The following TUB variants were observed in gnomAD, a reference collection of about 807,000 sequenced individuals.
The protein encoded by TUB is TUB bipartite transcription factor.
In TUB, 33 loss-of-function variants were observed where a neutral mutation model predicts 59.7. The observed-to-expected ratio is 0.55, with a 90% CI of 0.42 to 0.74. The LOEUF is 0.74. Ranked by LOEUF, TUB falls within the 30% of genes least tolerant of loss-of-function variation. TUB has a pLI of 0.00. For synonymous variants in TUB, 293 were observed against 256.4 expected, an observed-to-expected ratio of 1.14 and a Z score of -1.36; for missense variants, 659 against 672.0, an observed-to-expected ratio of 0.98 and a Z score of 0.21.
upstream of TUB, chr11:8,076,755 ATTAC>A (rs1325804345): frequency 6.6e-6 from 1 of 151,984 alleles, no homozygotes; most frequent in Non-Finnish European, 1.5e-5. Flanking sequence ...TTTTATTCCT[ATTAC>A]TTTGTTTTAT....
chr11:8,091,844 T>C (rs1350095287), intron 3 of TUB, among the ~76,000 whole-genome samples: 18 of 152,166 alleles, frequency 1.2e-4, no homozygotes, highest in Non-Finnish European at 2.6e-4. Flanking sequence ...AGGGTGGTAG[T>C]GGTACCCTGC....
chr11:8,044,984 G>A (rs1942809121), intron 2 of TUB, among the ~76,000 whole-genome samples: 1 of 152,148 alleles, frequency 6.6e-6, no homozygotes, highest in South Asian at 2.1e-4. Flanking sequence ...TACCTGCCAG[G>A]AACTCTCCAA....
rs778236632 is a variant in TUB, at chr11:8,100,523, C to G, written c.1137C>G (p.Phe379Leu). 6.2e-7 allele frequency: 1 copy of G among 1,614,112 alleles called. No homozygotes were observed. Among genetic ancestry groups the G allele is most frequent in the Admixed American group, 1.7e-5 (1 of 60,010 alleles). Residue 379 changes from phenylalanine (F) to leucine (L), a missense_variant, in exon 10 of 12, where the codon TTC becomes TTG. Phe to Leu is a conservative substitution (Grantham distance 22, BLOSUM62 0). Around this residue, in one of 3 missense-constraint regions of TUB, gnomAD observed 226 missense variants for 210.8 expected, o/e 1.07. Transcript: ENST00000299506. Reference protein sequence around the residue: ...AVCYETNVLGFKGPRKMSVIV... With the variant: ...AVCYETNVLGLKGPRKMSVIV... The stretch of plus-strand genomic sequence containing the variant: ...CCCAGGAGACAAACGTCTTAGGCTT[C>G]AAGGGGCCTCGGAAGATGAGCGTGA...
rs577358762 is a variant in TUB at position 8,089,643 on chromosome 11, G to A, written c.72G>A (p.Gln24=). Residue 24 remains glutamine (Q), a synonymous_variant, in exon 2 of 12, where the codon CAG becomes CAA. Coordinates refer to ENST00000299506, the MANE Select transcript of TUB (RefSeq NM_177972.3). ...ATGATGAGGGCAGAAACCTGAGGCA[G>A]CAGAAGCTTGATCGGCAGGTGAGTA... is the stretch of plus-strand genomic sequence containing the variant. ...VLDDEGRNLR[Q]QKLDRQRALL... 9.3e-6 allele frequency: 15 copies of A among 1,614,226 alleles called. No individual in the cohort carries two copies. In the South Asian group the frequency reaches 1.4e-4, roughly 15 times the overall value.
intron 9 of TUB, 21 bp from the exon 10 acceptor site, chr11:8,100,482 G>C (rs1404800793): frequency 1.2e-6 from 2 of 1,604,840 alleles, no homozygotes; most frequent in Admixed American, 1.7e-5. Context: ...CAGGTGGCCA[G>C]TGTTGCGTTC....
intron 2 of TUB, among the ~76,000 whole-genome samples, chr11:8,063,911 A>C (rs1403064913): frequency 6.6e-6 from 1 of 151,774 alleles, no homozygotes; most frequent in Non-Finnish European, 1.5e-5. Context: ...TCATTTTGCG[A>C]TTTTGGTCAG....
chr11:8,093,270 G>A (rs1276212636), intron 3 of TUB, among the ~76,000 whole-genome samples: 1 of 152,088 alleles, frequency 6.6e-6, no homozygotes, highest in Non-Finnish European at 1.5e-5. Context: ...GGCAGTGCAG[G>A]CAGCAGGAGC....
intron 3 of TUB, among the ~76,000 whole-genome samples, chr11:8,091,972 G>C (rs1386621817): frequency 3.3e-5 from 5 of 152,248 alleles, no homozygotes; most frequent in Non-Finnish European, 1.5e-5. Flanking sequence ...CAGAATAGGG[G>C]CCTGCACCCA....
At chr11:8,048,103 A>G (rs1241579863) in intron 2 of TUB, among the ~76,000 whole-genome samples, 1 of 152,182 alleles carries the variant, frequency 6.6e-6, no homozygotes, top group Non-Finnish European at 1.5e-5. Context: ...GAATAATAAT[A>G]GCTAACATTT....
intron 9 of TUB, among the ~76,000 whole-genome samples, chr11:8,099,962 T>C (rs1325558355): frequency 6.6e-6 from 1 of 152,150 alleles, no homozygotes; most frequent in Non-Finnish European, 1.5e-5. Context: ...AGCTTTAACT[T>C]GGAGTGAGCT....
At chr11:8,069,240 A>G (rs914460823) in intron 2 of TUB, 1 of 152,178 alleles carries the variant, frequency 6.6e-6, no homozygotes, top group Non-Finnish European at 1.5e-5. Flanking sequence ...ACCACCTACT[A>G]CAATAACAAC....
chr11:8,080,278 C>G (rs11825696), upstream of TUB, among the ~76,000 whole-genome samples: 3,039 of 152,318 alleles, frequency 0.02, 108 homozygotes, highest in African/African-American at 0.069. Flanking sequence ...GCAGACCTCT[C>G]CCGGATCACC....
intron 2 of TUB, among the ~76,000 whole-genome samples, chr11:8,047,212 C>A (rs1283338231): frequency 6.6e-6 from 1 of 152,178 alleles, no homozygotes; most frequent in Non-Finnish European, 1.5e-5. Context: ...CCTGTGACTC[C>A]TTCCATATGT....
chr11:8,090,380 C>A, intron 3 of TUB, 149 bp downstream of exon 3: 1 of 1,183,478 alleles, frequency 8.4e-7, no homozygotes. Context: ...GTAGGGAGGG[C>A]AGAGGGAAGG....
chr11:8,100,778 C>G (rs1944257393), intron 10 of TUB, 48 bp from the exon 11 acceptor site: 1 of 1,605,928 alleles, frequency 6.2e-7, no homozygotes, highest in South Asian at 1.1e-5. Context: ...CTGGGGTGGT[C>G]ATGGTGCCAA....
chr11:8,030,774 A>G (rs569743158), intron 1 of TUB, among the ~76,000 whole-genome samples: 2 of 152,200 alleles, frequency 1.3e-5, no homozygotes, highest in Admixed American at 1.3e-4. Context: ...GGAGTCAGGG[A>G]GGGCTGGCAC....
chr11:8,035,559 T>C (rs1001678027), upstream of TUB: 13 of 152,308 alleles, frequency 8.5e-5, no homozygotes, highest in African/African-American at 3.1e-4. Flanking sequence ...GGCCCCTCCA[T>C]GGGCTGTCTT....
upstream of TUB, among the ~76,000 whole-genome samples, chr11:8,036,615 G>A (rs1942650557): frequency 1.3e-5 from 2 of 152,182 alleles, no homozygotes; most frequent in Admixed American, 6.5e-5. Context: ...TGGAGGGACC[G>A]CTCTGGGAAG....
At chr11:8,100,244 G>C (rs1471324922) in intron 9 of TUB, among the ~76,000 whole-genome samples, 1 of 152,096 alleles carries the variant, frequency 6.6e-6, no homozygotes, top group East Asian at 1.9e-4. Flanking sequence ...ACTCGAGTGT[G>C]ACCAAGTAGT....
Sources: gnomAD v4.1 joint callset for allele counts (sites outside exome capture counted in the v4.1 genomes callset) on GRCh38, gnomAD v4.1.1 for gene constraint, gnomAD v4.1.1 regional missense constraint, MANE v1.5 for transcripts, NCBI Gene and HGNC (gene_info 2026-07-23, HGNC 2026-07-21) for gene names.